ANTXR2: variants seen among roughly 807,000 people sequenced by gnomAD.
ANTXR2 encodes the protein anthrax toxin receptor 2.
ANTXR2 carries 44 observed loss-of-function variants against 73.7 expected under a neutral mutation model. The ratio of observed to expected loss-of-function variants is 0.60; its 90% CI spans 0.47 to 0.77. ANTXR2 has a LOEUF of 0.77. Ranked by LOEUF, ANTXR2 falls within the 30% of genes least tolerant of loss-of-function variation. The pLI is 0.00. For missense variants in ANTXR2, 604 were observed against 592.5 expected (o/e 1.02, Z -0.20); for synonymous variants, 217 against 205.9 (o/e 1.05, Z -0.46).
At position 79,999,010 on chromosome 4, in the gene ANTXR2, A is replaced by T. The variant is rs536912220; in HGVS notation, c.1041+9511T>A. Among the ~76,000 whole-genome samples, 3 of 152,204 alleles carry T rather than the reference A, an allele frequency of 2.0e-5. No homozygotes were observed. The East Asian group carries it at 5.8e-4, about 29-fold the overall frequency. ...ATCTGCAACATTTAGATTACATCAC[A>T]TCTCTCTGTCATTCTTGAAAAGACT... On this transcript the variant is annotated intron_variant, in intron 12 of 16. Transcript: ENST00000403729.
At chr4:79,974,517 G>A (rs1729550771) in intron 16 of ANTXR2, among the ~76,000 whole-genome samples, 1 of 151,898 alleles carries the variant, frequency 6.6e-6, no homozygotes, top group African/African-American at 2.4e-5. Flanking sequence ...CAAAATCTTT[G>A]AAAACTGAAA....
chr4:80,018,915 CAATT>C lies in ANTXR2; in HGVS notation c.924_927del (p.Ile309SerfsTer27). 4 of 1,522,468 alleles carry C rather than the reference CAATT, an allele frequency of 2.6e-6. No homozygotes were observed. The highest frequency in any genetic ancestry group is 3.5e-6 in the Non-Finnish European group (4 of 1,137,182). The allele number at this position is 1,522,468 out of a possible 1,614,324, so 94.3% of individuals were successfully genotyped here. On this transcript the variant is annotated frameshift_variant, in exon 11 of 17. Transcript: ENST00000403729. LOFTEE classifies it high-confidence loss of function. ...TTACTTACACATTCTGTGGCTGTGA[CAATT>C]AATGATCCTGAAATGACAGATTTTC...
chr4:80,023,308 C>T (rs1732261608), intron 10 of ANTXR2, among the ~76,000 whole-genome samples: 1 of 152,170 alleles, frequency 6.6e-6, no homozygotes, highest in Non-Finnish European at 1.5e-5. Context: ...CTATGTTGAG[C>T]TCTGTGCTTA....
At chr4:79,932,868 T>C (rs974466222) in intron 16 of ANTXR2, among the ~76,000 whole-genome samples, 1 of 151,222 alleles carries the variant, frequency 6.6e-6, no homozygotes, top group African/African-American at 2.4e-5. Flanking sequence ...AAGGAGGCAT[T>C]GCAGCAGGAG....
intron 13 of ANTXR2, among the ~76,000 whole-genome samples, chr4:79,984,203 T>C (rs1730006099): frequency 6.6e-6 from 1 of 152,188 alleles, no homozygotes; most frequent in Non-Finnish European, 1.5e-5. Flanking sequence ...ACATCATCCC[T>C]AGGTAACTAG....
chr4:79,981,992 A>G (rs888078226), intron 14 of ANTXR2, among the ~76,000 whole-genome samples: 3 of 152,204 alleles, frequency 2.0e-5, no homozygotes, highest in African/African-American at 7.2e-5. Context: ...TCTCATAAAT[A>G]TAAACCAATA....
chr4:80,055,548 G>A lies in ANTXR2; in HGVS notation c.379-81C>T, dbSNP rs1192029063. 2.5e-6 allele frequency: 3 copies of A among 1,210,372 alleles called. No homozygotes were observed. In the African/African-American group the frequency reaches 4.6e-5, roughly 19 times the overall value. 75.0% of individuals were successfully genotyped at this position (1,210,372 alleles called of 1,614,324 possible). A position where few individuals can be genotyped will look rare whatever the true frequency, so the allele number is the denominator to read the frequency against. On this transcript the variant is annotated intron_variant, in intron 4 of 16. Transcript: ENST00000403729. ...ATGTTCCATCAAGCTGAATTTGTAA[G>A]TCTGACAAAATCAAAATATTACTGG...
intron 11 of ANTXR2, among the ~76,000 whole-genome samples, chr4:80,009,779 G>A (rs1369484371): frequency 3.3e-5 from 5 of 151,380 alleles, no homozygotes; most frequent in African/African-American, 1.2e-4. Flanking sequence ...CCCGGGAGGT[G>A]GAGTTTGCCA....
intron 3 of ANTXR2, among the ~76,000 whole-genome samples, chr4:80,065,781 G>A (rs1734468488): frequency 6.6e-6 from 1 of 152,174 alleles, no homozygotes; most frequent in South Asian, 2.1e-4. Flanking sequence ...AAACATGAAA[G>A]AGCTACTTAT....
intron 9 of ANTXR2, 121 bp from the exon 10 acceptor site, chr4:80,031,813 T>C: frequency 4.3e-6 from 2 of 465,692 alleles, no homozygotes; most frequent in Non-Finnish European, 7.3e-6. Flanking sequence ...TATATTAACA[T>C]AAAAAAACTA....
intron 7 of ANTXR2, among the ~76,000 whole-genome samples, chr4:80,052,532 T>A (rs996491255): frequency 1.3e-5 from 2 of 151,678 alleles, no homozygotes; most frequent in Non-Finnish European, 3.0e-5. Context: ...TGCCAGATAC[T>A]ACGATGTTTC....
chr4:79,927,294 C>CCACACACACACACACACACA (rs112013307), intron 16 of ANTXR2, among the ~76,000 whole-genome samples: 22 of 150,320 alleles, frequency 1.5e-4, no homozygotes, highest in Admixed American at 3.3e-4. Context: ...GGAGCTCTTA[C>CCACACACACACACACACACA]CACACACACA....
chr4:79,965,535 A>G (rs1474666821), intron 16 of ANTXR2, among the ~76,000 whole-genome samples: 1 of 152,246 alleles, frequency 6.6e-6, no homozygotes, highest in African/African-American at 2.4e-5. Context: ...TTATAAGCAC[A>G]CACATGGAAC....
At chr4:79,935,101 AAC>A (rs1728210243) in intron 16 of ANTXR2, among the ~76,000 whole-genome samples, 2 of 152,168 alleles carry the variant, frequency 1.3e-5, no homozygotes, top group African/African-American at 4.8e-5. Flanking sequence ...AAAAAAAAAA[AAC>A]AACTGAATAA....
At chr4:79,909,401 T>C (rs1182774739) in intron 16 of ANTXR2, among the ~76,000 whole-genome samples, 2 of 152,162 alleles carry the variant, frequency 1.3e-5, no homozygotes, top group Non-Finnish European at 2.9e-5. Context: ...AGTGTTAACT[T>C]TAAGCAACTG....
At position 79,917,931 on chromosome 4, in the gene ANTXR2, T is replaced by C. The variant is rs536323996; in HGVS notation, c.1429-10464A>G. On this transcript the variant is annotated intron_variant, in intron 16 of 16. Transcript: ENST00000403729. ...AATAGACATGGACTTCAAATAGCTATGATAAAAATAATAAAAGATCTGGCA... is the reference window on the plus strand; with the variant it reads ...AATAGACATGGACTTCAAATAGCTACGATAAAAATAATAAAAGATCTGGCA... Among the ~76,000 whole-genome samples the C allele has an allele frequency of 2.0e-5, 3 of 150,872 alleles. No individual in the cohort carries two copies. The South Asian group carries it at 6.3e-4, about 31-fold the overall frequency.
intron 3 of ANTXR2, among the ~76,000 whole-genome samples, chr4:80,061,146 T>C (rs1041540519): frequency 1.3e-5 from 2 of 152,138 alleles, no homozygotes; most frequent in African/African-American, 4.8e-5. Context: ...TAGAGGAAAC[T>C]ACCATGCCTT....
intron 16 of ANTXR2, among the ~76,000 whole-genome samples, chr4:79,932,167 T>C (rs573999429): frequency 6.6e-6 from 1 of 152,322 alleles, no homozygotes; most frequent in African/African-American, 2.4e-5. Context: ...ATTAAATGAA[T>C]ATTAAAGAAA....
intron 7 of ANTXR2, among the ~76,000 whole-genome samples, chr4:80,047,672 C>A (rs927161105): frequency 6.6e-6 from 1 of 151,690 alleles, no homozygotes; most frequent in East Asian, 1.9e-4. Flanking sequence ...GACAACACCC[C>A]TCACTTTCCA....
Sources: gnomAD v4.1 joint callset for allele counts (sites outside exome capture counted in the v4.1 genomes callset) on GRCh38, gnomAD v4.1.1 for gene constraint, MANE v1.5 for transcripts, NCBI Gene and HGNC (gene_info 2026-07-23, HGNC 2026-07-21) for gene names.